MASP1: variants seen among roughly 807,000 people sequenced by gnomAD.
The protein encoded by MASP1 is MBL associated serine protease 1.
In MASP1, 59 loss-of-function variants were observed where a neutral mutation model predicts 77.1. The observed-to-expected ratio is 0.77, with a 90% confidence interval of 0.62 to 0.95. The LOEUF (loss-of-function observed/expected upper bound fraction) is 0.95. MASP1 is among the 40% of genes least tolerant of loss of function. The pLI, the probability that MASP1 is intolerant of heterozygous loss-of-function variation, is 0.00. For missense variants in MASP1, 885 were observed against 912.9 expected, an observed-to-expected ratio of 0.97 and a Z score of 0.39; for synonymous variants, 362 against 354.5, an observed-to-expected ratio of 1.02 and a Z score of -0.24.
At chr3:187,225,368 G>A in exon 13 of MASP1, 2 of 1,613,896 alleles carry the variant, frequency 1.2e-6, no homozygotes, top group Non-Finnish European at 1.7e-6. Context: ...CATCACGAAG[G>A]CATTCAGCAC....
chr3:187,253,398 C>T (rs1169163833), intron 5 of MASP1, 83 bp from the exon 6 acceptor site: 4 of 1,418,546 alleles, frequency 2.8e-6, no homozygotes, highest in Admixed American at 1.7e-5. Flanking sequence ...CACCTCTCCA[C>T]TGCACTCTGG....
At chr3:187,241,713 T>TA (rs1485920901) in intron 9 of MASP1, 158 bp from the exon 10 acceptor site, 1 of 616,598 alleles carries the variant, frequency 1.6e-6, no homozygotes, top group Non-Finnish European at 3.0e-6. Context: ...AGCCTAGATG[T>TA]ACTAAGAAGA....
chr3:187,291,016 C>T (rs538208588), intron 1 of MASP1, among the ~76,000 whole-genome samples: 1 of 151,236 alleles, frequency 6.6e-6, no homozygotes, highest in South Asian at 2.1e-4. Context: ...CTTTAAGAGC[C>T]ATTTGGTGTA....
At chr3:187,261,484 C>T (rs775666163) in intron 3 of MASP1, among the ~76,000 whole-genome samples, 6 of 152,176 alleles carry the variant, frequency 3.9e-5, no homozygotes, top group Non-Finnish European at 7.3e-5. Context: ...TTCAACATTG[C>T]TAGTCATTAA....
chr3:187,220,215 G>T (rs751619773), exon 16 of MASP1: 4 of 1,614,018 alleles, frequency 2.5e-6, no homozygotes, highest in South Asian at 2.2e-5. Flanking sequence ...CTCTATTCAG[G>T]GTCACCATGG....
intron 8 of MASP1, among the ~76,000 whole-genome samples, chr3:187,246,190 T>C: frequency 6.6e-6 from 1 of 152,362 alleles, no homozygotes; most frequent in East Asian, 1.9e-4. Flanking sequence ...TAATTCTAAC[T>C]GGGCAGGGCT....
intron 1 of MASP1, among the ~76,000 whole-genome samples, chr3:187,290,948 T>C (rs1383637047): frequency 6.6e-6 from 1 of 152,108 alleles, no homozygotes; most frequent in Non-Finnish European, 1.5e-5. Flanking sequence ...CAATTAGAAT[T>C]TGAAGTTCTT....
intron 2 of MASP1, among the ~76,000 whole-genome samples, chr3:187,269,075 A>G (rs1716304788): frequency 6.6e-6 from 1 of 152,142 alleles, no homozygotes; most frequent in African/African-American, 2.4e-5. Flanking sequence ...AAAAAAAAAA[A>G]AAAAAAGATT....
rs73191710 is a variant in MASP1 at position 187,243,936 on chromosome 3, T to C, written c.1091-315A>G. The C allele has an allele frequency of 9.6e-3, 3,795 of 394,760 alleles. 33 individuals are homozygous for C. Among genetic ancestry groups the C allele is most frequent in the Non-Finnish European group, 0.014 (2,847 of 210,832 alleles). 24.5% of individuals were successfully genotyped at this position (394,760 alleles called of 1,614,324 possible). On this transcript the variant is annotated intron_variant, in intron 8 of 10. Coordinates refer to ENST00000296280, the MANE Select transcript of MASP1 (RefSeq NM_139125.4). Reference sequence around the variant, plus strand: ...CTCCAGTCTTTTACCCACCAGGGCCTCTTTCTTTTACTTCTAGTTTTATTG... The same window carrying C: ...CTCCAGTCTTTTACCCACCAGGGCCCCTTTCTTTTACTTCTAGTTTTATTG...
intron 2 of MASP1, among the ~76,000 whole-genome samples, chr3:187,280,949 G>A (rs139930675): frequency 2.6e-5 from 4 of 152,286 alleles, no homozygotes; most frequent in East Asian, 3.9e-4. Context: ...TGGTTTAACC[G>A]TTTGTATTTG....
At chr3:187,271,318 A>G (rs1716501192) in intron 2 of MASP1, among the ~76,000 whole-genome samples, 2 of 152,248 alleles carry the variant, frequency 1.3e-5, no homozygotes, top group Non-Finnish European at 2.9e-5. Context: ...TAACCTAGGG[A>G]AAAATATTCC....
At chr3:187,288,379 G>T (rs1718026363) in intron 1 of MASP1, among the ~76,000 whole-genome samples, 1 of 152,200 alleles carries the variant, frequency 6.6e-6, no homozygotes, top group South Asian at 2.1e-4. Flanking sequence ...TGGGAGTTCA[G>T]GTTCAGCCCT....
intron 2 of MASP1, chr3:187,263,023 A>G (rs1221090948): frequency 5.6e-6 from 2 of 358,208 alleles, no homozygotes; most frequent in Non-Finnish European, 1.0e-5. Context: ...TTAAAAAGTT[A>G]GATAACCTCG....
intron 13 of MASP1, chr3:187,223,328 G>A: frequency 1.3e-6 from 1 of 782,656 alleles, no homozygotes; most frequent in Middle Eastern, 2.3e-4. Context: ...GTGGTGTGGT[G>A]GGGAGGAAGA....
At position 187,237,623 on chromosome 3, in the gene MASP1, C is replaced by T. The variant is rs142080570; in HGVS notation, c.1304-1056G>A. ...TCGTTCCACTGAGTTGCACCCTGAG[C>T]ATGCACATGCACCACCAGCCTCCTG... is the stretch of plus-strand genomic sequence containing the variant. On this transcript the variant is annotated intron_variant, in intron 10 of 10. Coordinates refer to ENST00000296280, the MANE Select transcript of MASP1 (RefSeq NM_139125.4). Among the ~76,000 whole-genome samples, 47 of 152,370 alleles carry T rather than the reference C, an allele frequency of 3.1e-4. 1 individual carries two copies. The East Asian group carries it at 7.1e-3, about 23-fold the overall frequency.
At chr3:187,289,031 ACT>A (rs1308345970) in intron 1 of MASP1, among the ~76,000 whole-genome samples, 4 of 151,790 alleles carry the variant, frequency 2.6e-5, no homozygotes, top group Non-Finnish European at 4.4e-5. Context: ...TCCTCGTCAC[ACT>A]CTCTGAATGT....
At chr3:187,246,426 G>T (rs1362319904) in intron 8 of MASP1, 2 of 985,408 alleles carry the variant, frequency 2.0e-6, no homozygotes, top group East Asian at 2.3e-4. Flanking sequence ...TCTTTGGGTG[G>T]TGTCTCTAGC....
At chr3:187,285,166 T>G (rs1440582003) in intron 2 of MASP1, among the ~76,000 whole-genome samples, 1 of 152,212 alleles carries the variant, frequency 6.6e-6, no homozygotes, top group Non-Finnish European at 1.5e-5. Context: ...ATTTTTTTTT[T>G]TGTGGGGGGT....
chr3:187,269,302 A>G (rs1341950274), intron 2 of MASP1, among the ~76,000 whole-genome samples: 1 of 152,172 alleles, frequency 6.6e-6, no homozygotes, highest in Non-Finnish European at 1.5e-5. Flanking sequence ...TATGTTTTTC[A>G]TCTAGTGGAG....
Sources: gnomAD v4.1 joint callset for allele counts (sites outside exome capture counted in the v4.1 genomes callset) on GRCh38, gnomAD v4.1.1 for gene constraint, MANE v1.5 for transcripts, NCBI Gene and HGNC (gene_info 2026-07-23, HGNC 2026-07-21) for gene names.